The following MAGOH variants were observed in gnomAD, a reference collection of about 807,000 sequenced individuals.
MAGOH encodes the protein mago homolog, exon junction complex subunit, also known as protein mago nashi homolog.
In MAGOH, 3 loss-of-function variants were observed where a neutral mutation model predicts 20.9. The ratio of observed to expected loss-of-function variants is 0.14; its 90% confidence interval spans 0.07 to 0.37. The LOEUF (loss-of-function observed/expected upper bound fraction) is 0.37, where lower values mean the gene tolerates loss of function less well. MAGOH is among the 10% of genes least tolerant of loss of function. MAGOH has a pLI of 1.00. For missense variants in MAGOH, 66 were observed against 178.1 expected (o/e 0.37, Z 3.58); for synonymous variants, 51 against 61.0 (o/e 0.84, Z 0.76).
At chr1:53,233,758 G>GC in intron 2 of MAGOH, 106 bp from the exon 3 acceptor site, 1 of 760,168 alleles carries the variant, frequency 1.3e-6, no homozygotes, top group African/African-American at 1.7e-5. Context: ...CTTATTTCTG[G>GC]CATCTCCTTA....
chr1:53,230,121 A>T (rs1448472506), intron 3 of MAGOH, among the ~76,000 whole-genome samples: 1 of 152,204 alleles, frequency 6.6e-6, no homozygotes, highest in Non-Finnish European at 1.5e-5. Flanking sequence ...AGTGCTTTGG[A>T]CAGATAAGTA....
intron 3 of MAGOH, among the ~76,000 whole-genome samples, chr1:53,232,350 A>G (rs952232487): frequency 4.6e-5 from 7 of 152,246 alleles, no homozygotes; most frequent in Non-Finnish European, 8.8e-5. Context: ...CACTAGAGAT[A>G]CAGCAGTGGA....
At chr1:53,237,719 C>T (rs1645619849) in intron 1 of MAGOH, among the ~76,000 whole-genome samples, 1 of 146,988 alleles carries the variant, frequency 6.8e-6, no homozygotes, top group Admixed American at 6.8e-5. Context: ...AACTTTTTAC[C>T]GTGGTCTATA....
chr1:53,233,258 A>G (rs1265891943), intron 3 of MAGOH: 3 of 258,566 alleles, frequency 1.2e-5, no homozygotes, highest in East Asian at 1.6e-4. Flanking sequence ...TCAATATGAC[A>G]GTGGCTTTTA....
At chr1:53,233,474 T>G in intron 3 of MAGOH, 68 bp downstream of exon 3, 1 of 1,038,102 alleles carries the variant, frequency 9.6e-7, no homozygotes, top group Non-Finnish European at 1.5e-6. Flanking sequence ...AAGCTTTAAG[T>G]GGAGGAGGGA....
rs375576053 is a variant in MAGOH, at chr1:53,238,460, G to C, written c.-12C>G. 5.6e-6 allele frequency: 9 copies of C among 1,612,062 alleles called. No homozygotes were observed. In the African/African-American group the frequency reaches 8.0e-5, roughly 14 times the overall value. On this transcript the variant is annotated 5_prime_UTR_variant, in exon 1 of 5. Transcript: ENST00000371470. ...AAGTCACTCTCCATGGCTCCCAAAA[G>C]ACAACCGAGCCTGAACTTCCAAGAG... is the stretch of plus-strand genomic sequence containing the variant.
At chr1:53,235,479 C>T in intron 2 of MAGOH, 98 bp downstream of exon 2, 3 of 1,027,028 alleles carry the variant, frequency 2.9e-6, no homozygotes, top group Non-Finnish European at 4.5e-6. Context: ...TCTCCCTGTT[C>T]TTTATCTTTC....
intron 3 of MAGOH, among the ~76,000 whole-genome samples, chr1:53,232,926 C>T (rs1390835382): frequency 1.3e-5 from 2 of 152,132 alleles, no homozygotes; most frequent in African/African-American, 2.4e-5. Context: ...CATGGTGAAA[C>T]GCCATCTCTA....
intron 3 of MAGOH, among the ~76,000 whole-genome samples, chr1:53,232,592 AG>A (rs1440906657): frequency 6.6e-6 from 1 of 152,228 alleles, no homozygotes; most frequent in Non-Finnish European, 1.5e-5. Context: ...ATAAAGTTAA[AG>A]GAAGAATATT....
At chr1:53,233,907 G>A (rs902620795) in intron 2 of MAGOH, 3 of 325,372 alleles carry the variant, frequency 9.2e-6, no homozygotes, top group South Asian at 9.2e-5. Flanking sequence ...CCTTCTGCCT[G>A]CCCACATACC....
chr1:53,237,810 C>T (rs1329875873), intron 1 of MAGOH, among the ~76,000 whole-genome samples: 1 of 152,058 alleles, frequency 6.6e-6, no homozygotes, highest in East Asian at 1.9e-4. Context: ...TTCAACCACA[C>T]TGACCACCTG....
At chr1:53,237,577 G>C (rs1645618500) in intron 1 of MAGOH, among the ~76,000 whole-genome samples, 2 of 149,816 alleles carry the variant, frequency 1.3e-5, no homozygotes, top group Non-Finnish European at 3.0e-5. Flanking sequence ...GGGAGGCTGA[G>C]GCAGGAGAAT....
At chr1:53,233,865 T>TA (rs570992811) in intron 2 of MAGOH, 178 of 460,708 alleles carry the variant, frequency 3.9e-4, no homozygotes, top group Admixed American at 6.9e-4. Flanking sequence ...ATCTAGCTGT[T>TA]ACTACCTCCT....
At position 53,228,877 on chromosome 1, in the gene MAGOH, T is replaced by C; in HGVS notation, c.336A>G (p.Gln112=). Residue 112 remains glutamine, a synonymous_variant, in exon 4 of 5, where the codon CAA becomes CAG. Coordinates refer to ENST00000371470, the MANE Select transcript of MAGOH (RefSeq NM_002370.4). ...SKIGSLIDVN[Q]SKDPEGLRVF... Reference sequence around the variant, plus strand: ...TAAGGATCATGCACACTTACTTGGATTGATTGACATCAATAAGGGAACCAA... The same window carrying C: ...TAAGGATCATGCACACTTACTTGGACTGATTGACATCAATAAGGGAACCAA... 1 of 1,605,914 alleles carries C rather than the reference T, an allele frequency of 6.2e-7. No homozygotes were observed. The highest frequency in any genetic ancestry group is 1.1e-5 in the South Asian group (1 of 90,918).
chr1:53,233,418 C>G, intron 3 of MAGOH, 124 bp downstream of exon 3: 1 of 636,534 alleles, frequency 1.6e-6, no homozygotes, highest in Non-Finnish European at 2.8e-6. Context: ...CTTTGTATCT[C>G]CACAATGCTT....
rs1645563618 is a variant in MAGOH, at chr1:53,227,017, A to AC, written c.*27dup. ...TACACAAAATTTTCTACTCCCACCCACCCCCCATGTCCACACCAATATTCA... is the reference window on the plus strand; with the variant it reads ...TACACAAAATTTTCTACTCCCACCCACCCCCCCATGTCCACACCAATATTCA... On this transcript the variant is annotated 3_prime_UTR_variant, in exon 5 of 5. Coordinates refer to ENST00000371470, the MANE Select transcript of MAGOH (RefSeq NM_002370.4). 2 of 583,290 alleles carry AC rather than the reference A, an allele frequency of 3.4e-6. No individual in the cohort carries two copies. Among genetic ancestry groups the AC allele is most frequent in the African/African-American group, 2.5e-5 (1 of 40,210 alleles). The allele number at this position is 583,290 out of a possible 1,614,324, so 36.1% of individuals were successfully genotyped here. A position where few individuals can be genotyped will look rare whatever the true frequency, so the allele number is the denominator to read the frequency against.
At position 53,226,958 on chromosome 1, in the gene MAGOH, C is replaced by A; in HGVS notation, c.*87G>T. ...TTATCACATATTTATTAAAGACAAT[C>A]ATTTATAGTTCATAAAAAAATACTG... is the stretch of plus-strand genomic sequence containing the variant. On this transcript the variant is annotated 3_prime_UTR_variant, in exon 5 of 5. Transcript: ENST00000371470. 3.0e-6 allele frequency: 2 copies of A among 671,206 alleles called. No individual in the cohort carries two copies. The highest frequency in any genetic ancestry group is 3.0e-5 in the East Asian group (1 of 32,908). 41.6% of individuals were successfully genotyped at this position (671,206 alleles called of 1,614,324 possible).
intron 4 of MAGOH, among the ~76,000 whole-genome samples, chr1:53,227,464 T>C (rs1256898011): frequency 6.6e-6 from 1 of 151,612 alleles, no homozygotes; most frequent in Non-Finnish European, 1.5e-5. Flanking sequence ...ATTTTCCCCT[T>C]TCTACTTTTC....
chr1:53,228,740 G>C, intron 4 of MAGOH, 132 bp downstream of exon 4: 1 of 692,706 alleles, frequency 1.4e-6, no homozygotes. Context: ...TCCCTAACAA[G>C]AAGGACAAAG....
Sources: allele counts gnomAD v4.1 joint callset (sites outside exome capture counted in the v4.1 genomes callset), GRCh38; gene constraint gnomAD v4.1.1; transcripts MANE v1.5; gene names NCBI Gene and HGNC (gene_info 2026-07-23, HGNC 2026-07-21).